The following NRG1 variants were observed in gnomAD, a reference collection of about 807,000 sequenced individuals.
NRG1 encodes the protein pro-neuregulin-1, membrane-bound isoform.
A neutral mutation model predicts 63.8 loss-of-function variants in NRG1; 18 were observed. The observed-to-expected ratio is 0.28, with a 90% confidence interval of 0.19 to 0.42. The LOEUF (loss-of-function observed/expected upper bound fraction) is 0.42. Among genes scored for constraint, NRG1 ranks in the 10% least tolerant of loss-of-function variants. NRG1 has a pLI of 1.00. For missense variants in NRG1, 762 were observed against 814.7 expected, an observed-to-expected ratio of 0.94 and a Z score of 0.79; for synonymous variants, 302 against 301.3, an observed-to-expected ratio of 1.00 and a Z score of -0.02.
intron 1 of NRG1, among the ~76,000 whole-genome samples, chr8:32,176,590 C>A (rs541469765): frequency 6.6e-6 from 1 of 152,070 alleles, no homozygotes; most frequent in Non-Finnish European, 1.5e-5. Flanking sequence ...TGTCAAAGGG[C>A]TAATATCCAG....
chr8:32,441,466 A>C (rs1819536456), intron 1 of NRG1: 1 of 151,990 alleles, frequency 6.6e-6, no homozygotes, highest in South Asian at 2.1e-4. Context: ...ACTTCCAAAA[A>C]TTAGCCACCA....
At chr8:32,526,952 T>C (rs1033375357) in intron 1 of NRG1, among the ~76,000 whole-genome samples, 1 of 152,158 alleles carries the variant, frequency 6.6e-6, no homozygotes, top group Admixed American at 6.5e-5. Flanking sequence ...AGAAATCTAG[T>C]CTCATGACTT....
chr8:32,276,411 T>C (rs528880763), intron 1 of NRG1, among the ~76,000 whole-genome samples: 1 of 152,330 alleles, frequency 6.6e-6, no homozygotes, highest in Admixed American at 6.5e-5. Context: ...TATTCCATTG[T>C]GGATATGTAC....
At chr8:32,379,336 G>A (rs1268618207) in intron 1 of NRG1, among the ~76,000 whole-genome samples, 1 of 152,042 alleles carries the variant, frequency 6.6e-6, no homozygotes, top group East Asian at 1.9e-4. Flanking sequence ...TGCTAATGAG[G>A]GCTTAGCCCT....
intron 1 of NRG1, among the ~76,000 whole-genome samples, chr8:32,219,912 T>C (rs1845633011): frequency 6.6e-6 from 1 of 152,192 alleles, no homozygotes; most frequent in African/African-American, 2.4e-5. Flanking sequence ...GCTTTGCCAC[T>C]TTGGTGTCCT....
At chr8:32,579,952 C>T (rs1205609554) in intron 1 of NRG1, among the ~76,000 whole-genome samples, 2 of 152,172 alleles carry the variant, frequency 1.3e-5, no homozygotes, top group Non-Finnish European at 2.9e-5. Flanking sequence ...AAGCCAACAA[C>T]ATGACATCTC....
intron 1 of NRG1, among the ~76,000 whole-genome samples, chr8:31,881,712 G>T (rs1314368150): frequency 1.3e-5 from 2 of 152,196 alleles, no homozygotes; most frequent in African/African-American, 4.8e-5. Flanking sequence ...CAAATGATAA[G>T]ATAGTGTGAC....
chr8:31,899,641 C>G (rs1317483907), intron 1 of NRG1, among the ~76,000 whole-genome samples: 3 of 152,062 alleles, frequency 2.0e-5, no homozygotes, highest in African/African-American at 7.2e-5. Flanking sequence ...CAAACCTCAG[C>G]CTATACTTGG....
chr8:32,561,081 G>A (rs1836305258), intron 1 of NRG1, among the ~76,000 whole-genome samples: 1 of 152,088 alleles, frequency 6.6e-6, no homozygotes, highest in Non-Finnish European at 1.5e-5. Flanking sequence ...TTTTAGTTGA[G>A]GAAAACCACA....
At chr8:31,670,913 A>G (rs1807069047) in intron 1 of NRG1, among the ~76,000 whole-genome samples, 1 of 152,230 alleles carries the variant, frequency 6.6e-6, no homozygotes, top group Non-Finnish European at 1.5e-5. Context: ...CCAGGTAATC[A>G]ACATAATAAC....
At chr8:32,270,051 A>G (rs905981577) in intron 1 of NRG1, among the ~76,000 whole-genome samples, 1 of 152,236 alleles carries the variant, frequency 6.6e-6, no homozygotes, top group Non-Finnish European at 1.5e-5. Flanking sequence ...CAAATAACTT[A>G]CGAATACCCA....
intron 1 of NRG1, among the ~76,000 whole-genome samples, chr8:31,735,113 C>T (rs1375442221): frequency 3.9e-5 from 6 of 152,116 alleles, no homozygotes; most frequent in African/African-American, 1.4e-4. Context: ...AAGTCAATTT[C>T]TGGGGACTGA....
chr8:31,664,279 A>G (rs528335706), intron 1 of NRG1, among the ~76,000 whole-genome samples: 5 of 152,298 alleles, frequency 3.3e-5, no homozygotes, highest in South Asian at 2.1e-4. Context: ...TACTTTTCCC[A>G]TCCCAAATTT....
intron 5 of NRG1, among the ~76,000 whole-genome samples, chr8:32,644,715 T>G (rs1035110132): frequency 3.9e-5 from 6 of 152,216 alleles, no homozygotes; most frequent in Admixed American, 2.0e-4. Flanking sequence ...CTCTCTGATG[T>G]GTTGTCCTAG....
At chr8:32,091,432 A>G (rs1447121247) in intron 1 of NRG1, among the ~76,000 whole-genome samples, 1 of 152,224 alleles carries the variant, frequency 6.6e-6, no homozygotes, top group Non-Finnish European at 1.5e-5. Flanking sequence ...TAAAATGAGT[A>G]AAATAAGATG....
At chr8:31,808,223 G>C (rs1448836126) in intron 1 of NRG1, among the ~76,000 whole-genome samples, 1 of 151,798 alleles carries the variant, frequency 6.6e-6, no homozygotes, top group Non-Finnish European at 1.5e-5. Context: ...TATTTTGTCT[G>C]ATGTTAATAA....
At chr8:32,396,599 C>G (rs1812464210) in intron 1 of NRG1, among the ~76,000 whole-genome samples, 1 of 152,064 alleles carries the variant, frequency 6.6e-6, no homozygotes, top group Non-Finnish European at 1.5e-5. Flanking sequence ...CAGGTGCCAG[C>G]CACCACACCC....
At chr8:32,272,871 C>A (rs1405331127) in intron 1 of NRG1, among the ~76,000 whole-genome samples, 1 of 152,068 alleles carries the variant, frequency 6.6e-6, no homozygotes, top group Non-Finnish European at 1.5e-5. Flanking sequence ...GCTAGAAACA[C>A]CTATTGGGAC....
At chr8:32,277,675 G>A (rs539086923) in intron 1 of NRG1, among the ~76,000 whole-genome samples, 2 of 152,288 alleles carry the variant, frequency 1.3e-5, no homozygotes, top group South Asian at 4.1e-4. Context: ...AATATCTGGT[G>A]ACATTTTTAA....
Sources: gnomAD v4.1 joint callset for allele counts (sites outside exome capture counted in the v4.1 genomes callset) on GRCh38, gnomAD v4.1.1 for gene constraint, MANE v1.5 for transcripts, NCBI Gene and HGNC (gene_info 2026-07-23, HGNC 2026-07-21) for gene names.